Variants in PLEKHG4B observed in about 807,000 individuals in gnomAD.
PLEKHG4B encodes the protein pleckstrin homology and RhoGEF domain containing G4B, also known as pleckstrin homology domain-containing family G member 4B.
A neutral mutation model predicts 121.3 loss-of-function variants in PLEKHG4B; 111 were observed. The observed-to-expected ratio is 0.92, with a 90% CI of 0.78 to 1.07. The LOEUF (loss-of-function observed/expected upper bound fraction) is 1.07. Among genes scored for constraint, PLEKHG4B ranks in the 50% least tolerant of loss-of-function variants. PLEKHG4B has a pLI of 0.00. For synonymous variants in PLEKHG4B, 738 were observed against 725.0 expected (o/e 1.02, Z -0.29); for missense variants, 1,831 against 1,757.8 (o/e 1.04, Z -0.74).
intron 2 of PLEKHG4B, among the ~76,000 whole-genome samples, chr5:126,471 G>A (rs1734616994): frequency 6.6e-6 from 1 of 152,066 alleles, no homozygotes; most frequent in Admixed American, 6.5e-5. Flanking sequence ...CTTTAAGACT[G>A]TTGTTTTAAA....
At chr5:169,723 A>G in intron 14 of PLEKHG4B, 131 bp downstream of exon 14, 1 of 1,375,292 alleles carries the variant, frequency 7.3e-7, no homozygotes, top group Non-Finnish European at 9.7e-7. Context: ...GCTGGTCCTG[A>G]CAGGATGTTA....
In PLEKHG4B at chr5:182,363, A is replaced by G. The variant is rs2126469779; in HGVS notation, c.*40A>G. The G allele has an allele frequency of 6.5e-7, 1 of 1,536,842 alleles. No individual in the cohort carries two copies. The highest frequency in any genetic ancestry group is 8.8e-7 in the Non-Finnish European group (1 of 1,142,394). On this transcript the variant is annotated 3_prime_UTR_variant, in exon 20 of 20. Transcript: ENST00000637938. Reference sequence around the variant, plus strand: ...GCAGTGCCCATCATGTGGCTAGAACAATACAGAGGGAGCAGCACGCCAGGC... The same window carrying G: ...GCAGTGCCCATCATGTGGCTAGAACGATACAGAGGGAGCAGCACGCCAGGC...
chr5:135,857 G>C (rs1198415416), intron 2 of PLEKHG4B, among the ~76,000 whole-genome samples: 1 of 150,660 alleles, frequency 6.6e-6, no homozygotes, highest in African/African-American at 2.4e-5. Flanking sequence ...CCCCCAAATA[G>C]CCAAAACAAT....
In PLEKHG4B at chr5:184,758, A is replaced by G. The variant is rs1355507759; in HGVS notation, c.*2435A>G. The G allele has an allele frequency of 6.6e-6, 1 of 151,414 alleles. No individual in the cohort carries two copies. Among genetic ancestry groups the G allele is most frequent in the African/African-American group, 2.4e-5 (1 of 41,002 alleles). The allele number at this position is 151,414 out of a possible 1,614,324, so 9.4% of individuals were successfully genotyped here. On this transcript the variant is annotated 3_prime_UTR_variant, in exon 20 of 20. Coordinates refer to ENST00000637938, the MANE Select transcript of PLEKHG4B (RefSeq NM_052909.5). Reference sequence around the variant, plus strand: ...GTGGCTTGGCCGGGTGCGGTGGCTCATGTCTCTAATCCCAGCACTTTGGGA... The same window carrying G: ...GTGGCTTGGCCGGGTGCGGTGGCTCGTGTCTCTAATCCCAGCACTTTGGGA...
rs1290939480 is a variant in PLEKHG4B at position 163,378 on chromosome 5, C to A, written c.3306C>A (p.Asp1102Glu). ...GCCCCAGGGACTCCTGCCAGCCAGA[C>A]CATACTAGTGTCTTCAGCAAGGGCC... The part of the protein sequence containing the change: ...DSGPRDSCQP[D>E]HTSVFSKGLE... Residue 1102 changes from aspartate to glutamate, a missense_variant, in exon 13 of 20, where the codon GAC becomes GAA. Asp to Glu is a conservative substitution (Grantham distance 45). Transcript: ENST00000637938. 1 of 1,613,116 alleles carries A rather than the reference C, an allele frequency of 6.2e-7. No homozygotes were observed. The highest frequency in any genetic ancestry group is 8.5e-7 in the Non-Finnish European group (1 of 1,180,044).
chr5:171,433 C>T lies in PLEKHG4B; in HGVS notation c.4039C>T (p.Arg1347Cys), dbSNP rs765370242. 67 of 1,595,704 alleles carry T rather than the reference C, an allele frequency of 4.2e-5. No homozygotes were observed. In the East Asian group the frequency reaches 7.9e-4, roughly 19 times the overall value. Reference protein sequence around the residue: ...GNDLLAMDAIRGCDVNLKEQG... With the variant: ...GNDLLAMDAICGCDVNLKEQG... ...TGACCTGCTGGCCATGGACGCCATC[C>T]GCGGCTGTGACGTAAGTGCCTCAGA... is the stretch of plus-strand genomic sequence containing the variant. Residue 1347 changes from arginine to cysteine, a missense_variant, in exon 16 of 20, where the codon CGC becomes TGC. Transcript: ENST00000637938.
intron 1 of PLEKHG4B, among the ~76,000 whole-genome samples, chr5:97,598 C>T (rs1292531120): frequency 1.3e-5 from 2 of 152,226 alleles, no homozygotes; most frequent in African/African-American, 2.4e-5. Flanking sequence ...CGTTTGTGAA[C>T]CTCATCTGTT....
intron 13 of PLEKHG4B, among the ~76,000 whole-genome samples, chr5:164,014 T>C (rs546059564): frequency 1.1e-4 from 17 of 152,342 alleles, no homozygotes; most frequent in Non-Finnish European, 1.8e-4. Flanking sequence ...CGTCCACTCA[T>C]TGGTAAGGGT....
chr5:142,261 C>A (rs1196974113), intron 3 of PLEKHG4B, among the ~76,000 whole-genome samples: 2 of 152,152 alleles, frequency 1.3e-5, no homozygotes, highest in African/African-American at 4.8e-5. Context: ...CCCTGTTGTA[C>A]TGGGCAGAAA....
chr5:168,913 G>A (rs1736442488), intron 13 of PLEKHG4B: 1 of 147,728 alleles, frequency 6.8e-6, no homozygotes. Flanking sequence ...CTGTCACCAG[G>A]CTGGAGTGCA....
At chr5:165,445 T>G (rs190354456) in intron 13 of PLEKHG4B, among the ~76,000 whole-genome samples, 2 of 4,180 alleles carry the variant, frequency 4.8e-4, no homozygotes, top group African/African-American at 1.0e-3. Flanking sequence ...AATGCTCTGA[T>G]GGGGCGGGGC....
rs35033147 is a variant in PLEKHG4B, at chr5:136,777, A to G, written c.244-2706A>G. 4.7e-3 allele frequency among the ~76,000 whole-genome samples: 721 copies of G among 152,324 alleles called. 1 individual carries two copies. Among genetic ancestry groups the G allele is most frequent in the Middle Eastern group, 0.024 (7 of 294 alleles). The stretch of plus-strand genomic sequence containing the variant: ...CGTGCGTGGTTGGTGATGACGTAAA[A>G]TGGTGCAGCTGCTGTGGAAACAGTT... On this transcript the variant is annotated intron_variant, in intron 2 of 19. Coordinates refer to ENST00000637938, the MANE Select transcript of PLEKHG4B (RefSeq NM_052909.5).
Position 171,381 on chromosome 5 carries a change from G to T in PLEKHG4B, c.3987G>T (p.Val1329=), listed in dbSNP as rs780220263. ...GCGAGCTCCGAGCCGCCGAGGTCGT[G>T]GTCTGCTTCCAGCTGCGTCACGGCA... is the stretch of plus-strand genomic sequence containing the variant. ...ELGELRAAEV[V]VCFQLRHGND... The change falls in exon 16 of 20, where the codon GTG becomes GTT. Residue 1329 remains valine (V), a synonymous_variant. Transcript: ENST00000637938. 1 of 1,610,770 alleles carries T rather than the reference G, an allele frequency of 6.2e-7. No individual in the cohort carries two copies. Among genetic ancestry groups the T allele is most frequent in the Non-Finnish European group, 8.5e-7 (1 of 1,179,742 alleles).
At chr5:173,597 G>C (rs4956985) in intron 17 of PLEKHG4B, among the ~76,000 whole-genome samples, 99,190 of 151,754 alleles carry the variant, frequency 0.65, 33,045 homozygotes, top group Non-Finnish European at 0.72. Context: ...CTTGCACACT[G>C]TTAAGCAGCC....
chr5:121,572 A>G (rs528881689), intron 2 of PLEKHG4B, among the ~76,000 whole-genome samples: 1 of 152,278 alleles, frequency 6.6e-6, no homozygotes, highest in South Asian at 2.1e-4. Flanking sequence ...TTAAAACCGG[A>G]AACACCTGAA....
In PLEKHG4B at chr5:168,850, G is replaced by A. The variant is rs137994638; in HGVS notation, c.3477-490G>A. 1.7e-4 allele frequency among the ~76,000 whole-genome samples: 25 copies of A among 146,808 alleles called. No homozygotes were observed. The East Asian group carries it at 3.1e-3, about 18-fold the overall frequency. On this transcript the variant is annotated intron_variant, in intron 13 of 19. Coordinates refer to ENST00000637938, the MANE Select transcript of PLEKHG4B (RefSeq NM_052909.5). ...CGCTCCTTGCTGAGGATGTGCAGTA[G>A]ACTGGAAGATTATTCTTTTTTTTTT... is the stretch of plus-strand genomic sequence containing the variant.
intron 1 of PLEKHG4B, among the ~76,000 whole-genome samples, chr5:99,486 A>G (rs1733738527): frequency 6.6e-6 from 1 of 151,888 alleles, no homozygotes; most frequent in Non-Finnish European, 1.5e-5. Flanking sequence ...TAGGTATTTA[A>G]TTCTTTTAGA....
Position 185,206 on chromosome 5 carries a change from A to AAGC in PLEKHG4B, c.*2887_*2889dup. The AAGC allele has an allele frequency of 6.6e-6, 1 of 152,296 alleles. No individual in the cohort carries two copies. Among genetic ancestry groups the AAGC allele is most frequent in the East Asian group, 1.9e-4 (1 of 5,182 alleles). The allele number at this position is 152,296 out of a possible 1,614,324, so 9.4% of individuals were successfully genotyped here. On this transcript the variant is annotated 3_prime_UTR_variant, in exon 20 of 20. Transcript: ENST00000637938. ...ACAGAAGACAAGTGGAGAGAGACTG[A>AAGC]AGCAGCCACTGGCCATCACAGCAAA...
Position 185,254 on chromosome 5 carries a change from G to A in PLEKHG4B, c.*2931G>A, listed in dbSNP as rs7712004. On this transcript the variant is annotated 3_prime_UTR_variant, in exon 20 of 20. Transcript: ENST00000637938. ...AAACACAAGCAGGGCGCAGGACGCC[G>A]GCAAGCCACAGACAGGCCTGCTCTC... 0.51 allele frequency: 78,346 copies of A among 152,136 alleles called. 23,130 individuals are homozygous for A. The highest frequency in any genetic ancestry group is 0.67 in the Non-Finnish European group (45,612 of 68,014). The allele number at this position is 152,136 out of a possible 1,614,324, so 9.4% of individuals were successfully genotyped here.
Sources: gnomAD v4.1 joint callset for allele counts (sites outside exome capture counted in the v4.1 genomes callset) on GRCh38, gnomAD v4.1.1 for gene constraint, MANE v1.5 for transcripts, NCBI Gene and HGNC (gene_info 2026-07-23, HGNC 2026-07-21) for gene names.